NRG2: variants seen among roughly 807,000 people sequenced by gnomAD.
The protein encoded by NRG2 is pro-neuregulin-2, membrane-bound isoform.
A neutral mutation model predicts 73.9 loss-of-function variants in NRG2; 27 were observed. That is an observed-to-expected ratio of 0.37 (90% CI 0.27 to 0.50). The LOEUF is 0.50. Ranked by LOEUF, NRG2 falls within the 20% of genes least tolerant of loss-of-function variation. The probability of loss-of-function intolerance (pLI) is 0.96; values close to 1 mark genes in which losing one functional copy is unlikely to be tolerated. For synonymous variants in NRG2, 532 were observed against 541.0 expected, an observed-to-expected ratio of 0.98 and a Z score of 0.23; for missense variants, 1,126 against 1,210.1, an observed-to-expected ratio of 0.93 and a Z score of 1.03.
At chr5:139,964,832 A>G (rs922177139) in intron 1 of NRG2, among the ~76,000 whole-genome samples, 9 of 152,126 alleles carry the variant, frequency 5.9e-5, no homozygotes, top group Admixed American at 5.2e-4. Context: ...AACCATACCT[A>G]TCTAGCCCTG....
intron 1 of NRG2, among the ~76,000 whole-genome samples, chr5:139,888,687 G>T (rs1466110407): frequency 6.6e-6 from 1 of 152,218 alleles, no homozygotes; most frequent in African/African-American, 2.4e-5. Context: ...TACGCAGGGA[G>T]TAGATGAGAG....
intron 1 of NRG2, among the ~76,000 whole-genome samples, chr5:140,035,289 A>G (rs540414284): frequency 1.4e-4 from 22 of 152,300 alleles, no homozygotes; most frequent in Non-Finnish European, 3.2e-4. Flanking sequence ...TCTCCAAGAA[A>G]CTTTCTTTAA....
At chr5:140,014,066 C>T (rs1759580170) in intron 1 of NRG2, among the ~76,000 whole-genome samples, 1 of 152,070 alleles carries the variant, frequency 6.6e-6, no homozygotes. Context: ...CACCTATATG[C>T]TGTTGATTTC....
chr5:139,904,528 G>T lies in NRG2; in HGVS notation c.701-17017C>A. 1 of 516,870 alleles carries T rather than the reference G, an allele frequency of 1.9e-6. No individual in the cohort carries two copies. The highest frequency in any genetic ancestry group is 2.8e-5 in the South Asian group (1 of 36,228). The allele number at this position is 516,870 out of a possible 1,614,324, so 32.0% of individuals were successfully genotyped here. On this transcript the variant is annotated intron_variant, in intron 1 of 9. Transcript: ENST00000361474. This position sits in a 1 kb window ranked among gnomAD's most constrained non-coding sequence, Gnocchi z 6.0. Reference sequence around the variant, plus strand: ...CGGTCACACCCTCCGGGGGAGGGGAGCAGCGAGCCTTAACTCTTCCCCTCC... The same window carrying T: ...CGGTCACACCCTCCGGGGGAGGGGATCAGCGAGCCTTAACTCTTCCCCTCC...
rs1765129392 is a variant in NRG2, at chr5:139,904,821, G to GA, written c.701-17311dup. Among the ~76,000 whole-genome samples, 2 of 152,198 alleles carry GA rather than the reference G, an allele frequency of 1.3e-5. No homozygotes were observed. The highest frequency in any genetic ancestry group is 2.9e-5 in the Non-Finnish European group (2 of 68,018). On this transcript the variant is annotated intron_variant, in intron 1 of 9. Transcript: ENST00000361474. The surrounding 1 kb of genome is among the most constrained non-coding windows in gnomAD (Gnocchi z 6.0). ...GGGAGACAGCGAGGAAAGGGCCCAGGAAGGGACCAAAATGAAGCCCGCTAG... is the reference window on the plus strand; with the variant it reads ...GGGAGACAGCGAGGAAAGGGCCCAGGAAAGGGACCAAAATGAAGCCCGCTAG...
At chr5:139,913,472 C>T (rs1751006695) in intron 1 of NRG2, among the ~76,000 whole-genome samples, 1 of 152,180 alleles carries the variant, frequency 6.6e-6, no homozygotes. Flanking sequence ...CACAATTTCC[C>T]CCTAAATTAT....
rs1489578652 is a variant in NRG2 at position 140,043,283 on chromosome 5, AG to A, written c.-215del. 9 of 551,924 alleles carry A rather than the reference AG, an allele frequency of 1.6e-5. 1 individual carries two copies. The highest frequency in any genetic ancestry group is 6.1e-5 in the African/African-American group (3 of 49,472). The allele number at this position is 551,924 out of a possible 1,614,324, so 34.2% of individuals were successfully genotyped here. On this transcript the variant is annotated 5_prime_UTR_variant, in exon 1 of 10. Transcript: ENST00000361474. This position sits in a 1 kb window ranked among gnomAD's most constrained non-coding sequence, Gnocchi z 6.7. ...GCGCAGCGCTCCCACCCTGTGCGCC[AG>A]GACCTGGAGGAGGATGCGGAGGATG...
At chr5:139,900,338 A>C (rs1764795368) in intron 1 of NRG2, among the ~76,000 whole-genome samples, 1 of 152,240 alleles carries the variant, frequency 6.6e-6, no homozygotes, top group Non-Finnish European at 1.5e-5. Flanking sequence ...TGCAGAATTG[A>C]ATACACAAAG....
chr5:139,855,602 GTCT>G (rs1252876845), intron 6 of NRG2, 71 bp downstream of exon 6: 16 of 1,286,838 alleles, frequency 1.2e-5, no homozygotes, highest in Non-Finnish European at 1.7e-5. Context: ...GGGGAGGAAA[GTCT>G]TCTTCACACA....
chr5:139,897,500 T>G (rs1448781372), intron 1 of NRG2, among the ~76,000 whole-genome samples: 1 of 152,174 alleles, frequency 6.6e-6, no homozygotes, highest in East Asian at 1.9e-4. Flanking sequence ...TCGGGGCTTC[T>G]CACCTTGGAG....
chr5:139,898,260 G>T (rs73271440), intron 1 of NRG2, among the ~76,000 whole-genome samples: 4 of 152,204 alleles, frequency 2.6e-5, no homozygotes, highest in Non-Finnish European at 5.9e-5. Context: ...GAACAAGGCC[G>T]GAAGGAACCA....
At position 139,880,973 on chromosome 5, in the gene NRG2, T is replaced by C; in HGVS notation, c.874A>G (p.Lys292Glu). The C allele has an allele frequency of 6.2e-7, 1 of 1,613,622 alleles. No individual in the cohort carries two copies. Reference sequence around the variant, plus strand: ...TTGTTGAACTGTAGTCGTGAGTTCTTTCTGGTTAGGGAGGGGATAAAAGGG... The same window carrying C: ...TTGTTGAACTGTAGTCGTGAGTTCTCTCTGGTTAGGGAGGGGATAAAAGGG... Reference protein sequence around the residue: ...DIRIKYGNGRKNSRLQFNKVK... With the variant: ...DIRIKYGNGRENSRLQFNKVK... The change falls in exon 3 of 10, where the codon AAG becomes GAG. Residue 292 changes from lysine to glutamate, a missense_variant and splice_region_variant. Coordinates refer to ENST00000361474, the MANE Select transcript of NRG2 (RefSeq NM_004883.3).
intron 1 of NRG2, among the ~76,000 whole-genome samples, chr5:139,927,070 C>G (rs1752111863): frequency 2.0e-5 from 3 of 152,212 alleles, no homozygotes; most frequent in Admixed American, 2.0e-4. Context: ...GGGCCTTGTG[C>G]CAGCCACCCA....
At chr5:140,027,535 C>T (rs139333272) in intron 1 of NRG2, among the ~76,000 whole-genome samples, 14 of 152,266 alleles carry the variant, frequency 9.2e-5, no homozygotes, top group South Asian at 2.1e-4. Context: ...TCACTTTCCA[C>T]GGTTTAATAC....
At chr5:140,018,729 A>G (rs765515980) in intron 1 of NRG2, among the ~76,000 whole-genome samples, 3 of 152,220 alleles carry the variant, frequency 2.0e-5, no homozygotes, top group Admixed American at 6.5e-5. Flanking sequence ...CTGCCAAATC[A>G]TAGGTCAGCG....
Position 140,042,713 on chromosome 5 carries a change from T to A in NRG2, c.357A>T (p.Ser119=). 4 of 1,574,546 alleles carry A rather than the reference T, an allele frequency of 2.5e-6. No homozygotes were observed. Among genetic ancestry groups the A allele is most frequent in the Non-Finnish European group, 3.4e-6 (4 of 1,160,486 alleles). ...GTGCCTTGTACGCCTGGTCCTGCAC[T>A]GACTTGAGGCTGGGCGAGTAGCAGG... is the stretch of plus-strand genomic sequence containing the variant. ...SLACYSPSLK[S]VQDQAYKAPV... is the part of the protein sequence containing the mutation. The change falls in exon 1 of 10, where the codon TCA becomes TCT. Residue 119 remains serine, a synonymous_variant. Coordinates refer to ENST00000361474, the MANE Select transcript of NRG2 (RefSeq NM_004883.3).
chr5:139,934,091 A>C (rs264353), intron 1 of NRG2, among the ~76,000 whole-genome samples: 46,507 of 151,964 alleles, frequency 0.31, 8,243 homozygotes, highest in African/African-American at 0.5. Flanking sequence ...CCCAGCTACT[A>C]GGGAGGCTGA....
intron 1 of NRG2, among the ~76,000 whole-genome samples, chr5:140,025,728 A>C (rs1760633702): frequency 6.6e-6 from 1 of 152,216 alleles, no homozygotes; most frequent in Admixed American, 6.5e-5. Context: ...GGCCAGTTTT[A>C]ATTCCAAGAT....
chr5:139,963,274 A>G (rs1755222336), intron 1 of NRG2, among the ~76,000 whole-genome samples: 1 of 152,180 alleles, frequency 6.6e-6, no homozygotes, highest in South Asian at 2.1e-4. Context: ...TCTGGAGATA[A>G]CCTTAGGCCA....
Sources: gnomAD v4.1 joint callset for allele counts (sites outside exome capture counted in the v4.1 genomes callset) on GRCh38, gnomAD v4.1.1 for gene constraint, Gnocchi (gnomAD v3.1) non-coding constraint, MANE v1.5 for transcripts, NCBI Gene and HGNC (gene_info 2026-07-23, HGNC 2026-07-21) for gene names.